The following ACTR3C variants were observed in gnomAD, a reference collection of about 807,000 sequenced individuals.
ACTR3C encodes the protein actin-related protein 3C.
In ACTR3C, 18 loss-of-function variants were observed where a neutral mutation model predicts 26.3. The observed-to-expected ratio is 0.68, with a 90% CI of 0.47 to 1.01. ACTR3C has a LOEUF of 1.01. Ranked by LOEUF, ACTR3C falls within the 50% of genes least tolerant of loss-of-function variation. The pLI is 0.00. For missense variants in ACTR3C, 184 were observed against 250.7 expected (o/e 0.73, Z 1.80); for synonymous variants, 55 against 94.5 (o/e 0.58, Z 2.42).
the ACTR3C span, among the ~76,000 whole-genome samples, chr7:150,133,661 A>C: frequency 6.6e-6 from 1 of 152,014 alleles, no homozygotes; most frequent in Non-Finnish European, 1.5e-5. Context: ...CCACACTCTA[A>C]CATTTCCCCT....
At chr7:150,149,900 T>C in the ACTR3C span, among the ~76,000 whole-genome samples, 1 of 152,264 alleles carries the variant, frequency 6.6e-6, no homozygotes, top group Non-Finnish European at 1.5e-5. Context: ...GTGGATTTTA[T>C]ATGTGCACAC....
intron 6 of ACTR3C, among the ~76,000 whole-genome samples, chr7:150,267,249 C>T (rs181972308): frequency 0.012 from 1,783 of 152,374 alleles, 25 homozygotes; most frequent in Middle Eastern, 0.024. Flanking sequence ...CCCCCATTAT[C>T]TGCGGCTCAC....
At chr7:149,900,408 C>G in the ACTR3C span, among the ~76,000 whole-genome samples, 1 of 151,964 alleles carries the variant, frequency 6.6e-6, no homozygotes, top group African/African-American at 2.4e-5. Context: ...ATCTCTTGAC[C>G]TCATGACCCG....
At chr7:150,216,108 T>C in the ACTR3C span, among the ~76,000 whole-genome samples, 1 of 151,078 alleles carries the variant, frequency 6.6e-6, no homozygotes, top group Non-Finnish European at 1.5e-5. Context: ...GATAAGGAGA[T>C]ACTCTTGAAA....
chr7:150,041,771 C>G, the ACTR3C span, among the ~76,000 whole-genome samples: 9 of 139,910 alleles, frequency 6.4e-5, no homozygotes, highest in Admixed American at 1.4e-4. Context: ...GAGGGACTGG[C>G]TCTCAGTCCC....
At chr7:149,961,610 T>C in the ACTR3C span, among the ~76,000 whole-genome samples, 1 of 151,736 alleles carries the variant, frequency 6.6e-6, no homozygotes, top group Non-Finnish European at 1.5e-5. Context: ...ACAGGAAGTA[T>C]ACCATCAGAG....
the ACTR3C span, among the ~76,000 whole-genome samples, chr7:150,198,775 T>C: frequency 5.1e-4 from 54 of 106,088 alleles, no homozygotes; most frequent in African/African-American, 1.1e-3. Flanking sequence ...GCCCCCCGCC[T>C]GGCCAGCCGT....
At chr7:150,035,836 T>G in the ACTR3C span, among the ~76,000 whole-genome samples, 644 of 83,158 alleles carry the variant, frequency 7.7e-3, 77 homozygotes, top group South Asian at 0.015. Flanking sequence ...CTTGCGGGGG[T>G]TGCCTCTCCC....
intron 1 of ACTR3C, among the ~76,000 whole-genome samples, chr7:150,305,751 C>T (rs1256790554): frequency 1.3e-5 from 2 of 152,178 alleles, no homozygotes; most frequent in African/African-American, 2.4e-5. Context: ...TCCACATAAC[C>T]GGTGTAAGCT....
At chr7:149,919,813 G>C in the ACTR3C span, among the ~76,000 whole-genome samples, 1 of 151,476 alleles carries the variant, frequency 6.6e-6, no homozygotes, top group Non-Finnish European at 1.5e-5. Context: ...GGTATACAAA[G>C]TCTGTTTTTA....
chr7:149,892,408 A>T, the ACTR3C span: 9 of 1,243,636 alleles, frequency 7.2e-6, no homozygotes, highest in Non-Finnish European at 9.7e-6. Context: ...CCTTAAAAAA[A>T]CACACACACA....
the ACTR3C span, among the ~76,000 whole-genome samples, chr7:150,158,825 T>TGCACACACAGGCACACACAGGC: frequency 6.8e-6 from 1 of 146,800 alleles, no homozygotes; most frequent in East Asian, 2.0e-4. Flanking sequence ...GGCACACACA[T>TGCACACACAGGCACACACAGGC]GCACACACAG....
chr7:150,184,093 CA>C, the ACTR3C span, among the ~76,000 whole-genome samples: 1 of 150,644 alleles, frequency 6.6e-6, no homozygotes, highest in Non-Finnish European at 1.5e-5. Flanking sequence ...TTCTTCATAG[CA>C]GCGTGAGAAC....
At chr7:150,079,783 C>T in the ACTR3C span, among the ~76,000 whole-genome samples, 1 of 152,274 alleles carries the variant, frequency 6.6e-6, no homozygotes, top group Non-Finnish European at 1.5e-5. Context: ...CCAGCTCTGC[C>T]TTCCCCCTTC....
chr7:150,179,424 AAAAAAAAG>A, the ACTR3C span, among the ~76,000 whole-genome samples: 3 of 143,818 alleles, frequency 2.1e-5, no homozygotes, highest in Non-Finnish European at 3.0e-5. Flanking sequence ...ACAGGAAAAA[AAAAAAAAG>A]AAAGAAATTG....
the ACTR3C span, among the ~76,000 whole-genome samples, chr7:150,035,559 C>A: frequency 7.0e-3 from 648 of 92,442 alleles, 2 homozygotes; most frequent in South Asian, 0.017. Flanking sequence ...TGGGGGTCCG[C>A]AGAGCCGGGG....
At chr7:149,897,400 C>G in the ACTR3C span, among the ~76,000 whole-genome samples, 1 of 152,214 alleles carries the variant, frequency 6.6e-6, no homozygotes, top group African/African-American at 2.4e-5. Flanking sequence ...GAAAAGTTTT[C>G]AAGGTAAGTC....
At chr7:150,300,283 C>A (rs1182962309) in intron 1 of ACTR3C, among the ~76,000 whole-genome samples, 1 of 151,956 alleles carries the variant, frequency 6.6e-6, no homozygotes, top group South Asian at 2.1e-4. Flanking sequence ...ACCCGGGAGG[C>A]GGAGGTTGCG....
At chr7:150,072,426 T>C in the ACTR3C span, among the ~76,000 whole-genome samples, 3 of 124,794 alleles carry the variant, frequency 2.4e-5, no homozygotes, top group Non-Finnish European at 3.5e-5. Context: ...TTCGGGGGAA[T>C]TGTGTTTAAA....
Sources: gnomAD v4.1 joint callset for allele counts (sites outside exome capture counted in the v4.1 genomes callset) on GRCh38, gnomAD v4.1.1 for gene constraint, MANE v1.5 for transcripts, NCBI Gene and HGNC (gene_info 2026-07-23, HGNC 2026-07-21) for gene names.